Variants in MAPKAPK5 observed in about 807,000 individuals in gnomAD.
MAPKAPK5 encodes MAPK activated protein kinase 5.
Under a neutral mutation model 65.1 loss-of-function variants are expected in MAPKAPK5, and 30 were observed. The ratio of observed to expected loss-of-function variants is 0.46; its 90% CI spans 0.34 to 0.63. MAPKAPK5 has a LOEUF of 0.63. MAPKAPK5 is among the 20% of genes least tolerant of loss of function. The probability of loss-of-function intolerance (pLI) is 0.01; values close to 1 mark genes in which losing one functional copy is unlikely to be tolerated. For synonymous variants in MAPKAPK5, 179 were observed against 204.6 expected (o/e 0.87, Z 1.07); for missense variants, 433 against 581.4 (o/e 0.74, Z 2.63).
intron 1 of MAPKAPK5, among the ~76,000 whole-genome samples, chr12:111,846,505 T>G (rs1028154652): frequency 6.6e-6 from 1 of 151,828 alleles, no homozygotes; most frequent in African/African-American, 2.4e-5. Flanking sequence ...TTTTTCTTTT[T>G]TTTTTTTTTT....
Position 111,842,241 on chromosome 12 carries a change from G to A in MAPKAPK5, c.-493G>A, listed in dbSNP as rs2068736645. On this transcript the variant is annotated 5_prime_UTR_variant, in exon 1 of 14. The change creates a new upstream start codon in the 5' untranslated region. Transcript: ENST00000550735. ...CCCGGCGCGGGTGTCCCGGCGATGT[G>A]TGGCGCTGAGGCGGCGGCGGGAGCA... The A allele has an allele frequency of 6.5e-6, 1 of 153,300 alleles. No homozygotes were observed. The highest frequency in any genetic ancestry group is 1.5e-5 in the Non-Finnish European group (1 of 68,864). 9.5% of individuals were successfully genotyped at this position (153,300 alleles called of 1,614,324 possible).
At chr12:111,865,681 C>A (rs549115637) in intron 2 of MAPKAPK5, among the ~76,000 whole-genome samples, 1 of 151,690 alleles carries the variant, frequency 6.6e-6, no homozygotes, top group African/African-American at 2.4e-5. Flanking sequence ...CCTAAAGATA[C>A]AAAAATTAGC....
In MAPKAPK5 at chr12:111,850,248, C is replaced by T. The variant is rs866000253; in HGVS notation, c.36+7479C>T. ...TTCACCATGTTGGCCAGGCTGGTCT[C>T]GAACTCCTGACCTTGTGATCTGCCT... On this transcript the variant is annotated intron_variant, in intron 1 of 13. Transcript: ENST00000550735. 3.8e-4 allele frequency among the ~76,000 whole-genome samples: 58 copies of T among 151,892 alleles called. 1 individual carries two copies. The highest frequency in any genetic ancestry group is 6.8e-3 in the Middle Eastern group (2 of 294).
intron 10 of MAPKAPK5, chr12:111,887,946 C>T (rs1372860993): frequency 6.5e-6 from 1 of 153,666 alleles, no homozygotes; most frequent in Non-Finnish European, 1.4e-5. Flanking sequence ...TTCGTCTGCC[C>T]GTAGTGAGAT....
At chr12:111,882,156 G>A (rs927659879) in intron 8 of MAPKAPK5, among the ~76,000 whole-genome samples, 2 of 152,162 alleles carry the variant, frequency 1.3e-5, no homozygotes, top group African/African-American at 4.8e-5. Flanking sequence ...CGAGGTGGGC[G>A]GATCACGAGG....
intron 1 of MAPKAPK5, among the ~76,000 whole-genome samples, chr12:111,852,719 T>TAA (rs2069122755): frequency 6.6e-6 from 1 of 152,210 alleles, no homozygotes; most frequent in African/African-American, 2.4e-5. Flanking sequence ...TCAGTTTCTC[T>TAA]AAGCAGTGTT....
intron 1 of MAPKAPK5, among the ~76,000 whole-genome samples, chr12:111,855,167 G>A (rs1361673009): frequency 2.0e-5 from 3 of 151,892 alleles, no homozygotes; most frequent in Non-Finnish European, 4.4e-5. Context: ...TGCCCTTTTT[G>A]TATTGGTCAA....
intron 6 of MAPKAPK5, 29 bp downstream of exon 6, chr12:111,870,389 T>A: frequency 6.4e-7 from 1 of 1,563,634 alleles, no homozygotes. Flanking sequence ...TGCATTTTAG[T>A]GCTGCAACTC....
At chr12:111,870,541 G>A (rs1242548284) in intron 6 of MAPKAPK5, among the ~76,000 whole-genome samples, 181 bp downstream of exon 6, 4 of 152,106 alleles carry the variant, frequency 2.6e-5, no homozygotes, top group East Asian at 1.9e-4. Flanking sequence ...CTGTACTCCC[G>A]GCATTGATAA....
Position 111,893,471 on chromosome 12 carries a change from G to A in MAPKAPK5, c.*410G>A, listed in dbSNP as rs1240113082. 6.5e-6 allele frequency: 1 copy of A among 152,716 alleles called. No homozygotes were observed. Among genetic ancestry groups the A allele is most frequent in the Non-Finnish European group, 1.5e-5 (1 of 68,452 alleles). 9.5% of individuals were successfully genotyped at this position (152,716 alleles called of 1,614,324 possible). On this transcript the variant is annotated 3_prime_UTR_variant, in exon 14 of 14. Transcript: ENST00000550735. ...GTGTTTATTTTCCACACCATTGCTA[G>A]ATTAGCTCTACTGCCAAGACATTTT...
Position 111,866,333 on chromosome 12 carries a change from A to G in MAPKAPK5, c.186+102A>G, listed in dbSNP as rs956425035. 6 of 975,560 alleles carry G rather than the reference A, an allele frequency of 6.2e-6. 1 individual carries two copies. The Middle Eastern group carries it at 7.7e-4, about 125-fold the overall frequency. The allele number at this position is 975,560 out of a possible 1,614,324, so 60.4% of individuals were successfully genotyped here. On this transcript the variant is annotated intron_variant, in intron 3 of 13. Transcript: ENST00000550735. ...TAGAGAGAATACAGTGATGCATAAA[A>G]AGTTTTATGTCCAAACTTTACCTCT...
Position 111,897,495 on chromosome 12 carries a change from C to G in MAPKAPK5, c.*4434C>G, listed in dbSNP as rs2070863505. Reference sequence around the variant, plus strand: ...GTAGAGTGTTCTTCCATTATTGAATCTTCTTTTATCCCACCAAATGGCTTA... The same window carrying G: ...GTAGAGTGTTCTTCCATTATTGAATGTTCTTTTATCCCACCAAATGGCTTA... On this transcript the variant is annotated 3_prime_UTR_variant, in exon 14 of 14. Transcript: ENST00000550735. 1 of 152,148 alleles carries G rather than the reference C, an allele frequency of 6.6e-6. No homozygotes were observed. Among genetic ancestry groups the G allele is most frequent in the Non-Finnish European group, 1.5e-5 (1 of 68,016 alleles). 9.4% of individuals were successfully genotyped at this position (152,148 alleles called of 1,614,324 possible).
At chr12:111,843,595 T>C (rs962402192) in intron 1 of MAPKAPK5, among the ~76,000 whole-genome samples, 5 of 152,352 alleles carry the variant, frequency 3.3e-5, no homozygotes, top group Admixed American at 3.3e-4. Context: ...GTGCATTGAA[T>C]AATTTCATTT....
Position 111,867,663 on chromosome 12 carries a change from G to C in MAPKAPK5, c.278G>C (p.Ser93Thr). 6.2e-7 allele frequency: 1 copy of C among 1,612,556 alleles called. No homozygotes were observed. Among genetic ancestry groups the C allele is most frequent in the Non-Finnish European group, 8.5e-7 (1 of 1,178,746 alleles). ...AGTGTCCAGTTTCCCCATGAGTCCAGCCCTAGGTAAGACTACACAGTGTCA... is the reference window on the plus strand; with the variant it reads ...AGTGTCCAGTTTCCCCATGAGTCCACCCCTAGGTAAGACTACACAGTGTCA... ...ANSVQFPHES[S>T]PRARLLIVME... Residue 93 changes from serine to threonine, a missense_variant, in exon 4 of 14, where the codon AGC becomes ACC. By Grantham distance (58) the Ser-to-Thr change is moderately conservative (BLOSUM62 1). Around this residue, in one of 3 missense-constraint regions of MAPKAPK5, gnomAD observed 165 missense variants for 180.0 expected, o/e 0.92. Coordinates refer to ENST00000550735, the MANE Select transcript of MAPKAPK5 (RefSeq NM_003668.4).
Position 111,867,636 on chromosome 12 carries a change from A to G in MAPKAPK5, c.251A>G (p.Asn84Ser). The G allele has an allele frequency of 6.2e-7, 1 of 1,613,974 alleles. No individual in the cohort carries two copies. Among genetic ancestry groups the G allele is most frequent in the Non-Finnish European group, 8.5e-7 (1 of 1,179,878 alleles). Reference sequence around the variant, plus strand: ...GTTCAGATTATTGAAGTGTTTGCTAACAGTGTCCAGTTTCCCCATGAGTCC... The same window carrying G: ...GTTCAGATTATTGAAGTGTTTGCTAGCAGTGTCCAGTTTCCCCATGAGTCC... ...NIVQIIEVFA[N>S]SVQFPHESSP... is the part of the protein sequence containing the mutation. Residue 84 changes from asparagine to serine, a missense_variant, in exon 4 of 14, where the codon AAC becomes AGC. Transcript: ENST00000550735.
Position 111,870,350 on chromosome 12 carries a change from A to G in MAPKAPK5, c.473A>G (p.Asp158Gly). The change falls in exon 6 of 14, where the codon GAT becomes GGT. Residue 158 changes from aspartate to glycine, a missense_variant. Asp to Gly is a moderately conservative substitution (Grantham distance 94, BLOSUM62 -1). Transcript: ENST00000550735. ...DLKPENLLFK[D>G]NSLDAPVKLC... ...AAGCCTGAAAATCTGCTTTTTAAGG[A>G]TAACTCTTTGGTGAGAAGACTGTTT... 2 of 1,609,802 alleles carry G rather than the reference A, an allele frequency of 1.2e-6. No homozygotes were observed. Among genetic ancestry groups the G allele is most frequent in the Non-Finnish European group, 1.7e-6 (2 of 1,176,514 alleles).
At chr12:111,871,049 C>T in intron 6 of MAPKAPK5, 36 bp from the exon 7 acceptor site, 1 of 1,538,644 alleles carries the variant, frequency 6.5e-7, no homozygotes, top group South Asian at 1.1e-5. Context: ...TTACTGAGCA[C>T]TCTGGAGCAG....
intron 6 of MAPKAPK5, 74 bp from the exon 7 acceptor site, chr12:111,871,011 G>A: frequency 9.0e-7 from 1 of 1,105,532 alleles, no homozygotes; most frequent in Non-Finnish European, 1.4e-6. Context: ...AGGGTAACAT[G>A]TCTTACACCT....
At chr12:111,878,427 A>G (rs982711863) in intron 7 of MAPKAPK5, among the ~76,000 whole-genome samples, 23 of 151,406 alleles carry the variant, frequency 1.5e-4, no homozygotes, top group Non-Finnish European at 2.7e-4. Context: ...TTATTTATTT[A>G]TTTATTTATT....
Sources: allele counts gnomAD v4.1 joint callset (sites outside exome capture counted in the v4.1 genomes callset), GRCh38; gene constraint gnomAD v4.1.1; regional missense constraint gnomAD v4.1.1; transcripts MANE v1.5; gene names NCBI Gene and HGNC (gene_info 2026-07-23, HGNC 2026-07-21).